The following NFATC2 variants were observed in gnomAD, a reference collection of about 807,000 sequenced individuals.
The protein encoded by NFATC2 is nuclear factor of activated T-cells, cytoplasmic 2.
NFATC2 carries 22 observed loss-of-function variants against 87.3 expected under a neutral mutation model. That is an observed-to-expected ratio of 0.25 (90% CI 0.18 to 0.36). The LOEUF is 0.36. Ranked by LOEUF, NFATC2 falls within the 10% of genes least tolerant of loss-of-function variation. The pLI is 1.00. For missense variants in NFATC2, 1,149 were observed against 1,259.1 expected, an observed-to-expected ratio of 0.91 and a Z score of 1.32; for synonymous variants, 565 against 542.2, an observed-to-expected ratio of 1.04 and a Z score of -0.58.
intron 4 of NFATC2, 150 bp from the exon 5 acceptor site, chr20:51,474,302 G>A: frequency 7.7e-6 from 7 of 911,860 alleles, no homozygotes; most frequent in South Asian, 4.2e-5. Flanking sequence ...CCAAGATGGG[G>A]GTAAAAAATA....
intron 6 of NFATC2, among the ~76,000 whole-genome samples, chr20:51,437,297 G>T (rs1229863276): frequency 6.6e-6 from 1 of 152,192 alleles, no homozygotes; most frequent in Admixed American, 6.5e-5. Flanking sequence ...AAATCTACAT[G>T]CTAATGAGCA....
At chr20:51,435,167 G>A (rs1983373545) in intron 8 of NFATC2, 21 bp downstream of exon 8, 7 of 1,613,518 alleles carry the variant, frequency 4.3e-6, no homozygotes, top group Non-Finnish European at 5.9e-6. Flanking sequence ...TAACAAAGGG[G>A]TCATCAGAAA....
At chr20:51,561,484 A>AAAGAAAGCAAGCAAGCAAGCAAGC (rs2077029945) in intron 1 of NFATC2, among the ~76,000 whole-genome samples, 1 of 89,978 alleles carries the variant, frequency 1.1e-5, no homozygotes, top group Non-Finnish European at 2.2e-5. Flanking sequence ...AGAAAGAAAG[A>AAAGAAAGCAAGCAAGCAAGCAAGC]AAGCAAGCAA....
In NFATC2 at chr20:51,439,254, T is replaced by C. The variant is rs148983043; in HGVS notation, c.1850-3493A>G. On this transcript the variant is annotated intron_variant, in intron 6 of 10. Coordinates refer to ENST00000371564, the MANE Select transcript of NFATC2 (RefSeq NM_012340.5). ...GCCTGGCATCACTCTAAGCACCTCG[T>C]ATACATGGGCTTGTCTCATCTGTAC... Among the ~76,000 whole-genome samples, 331 of 152,290 alleles carry C rather than the reference T, an allele frequency of 2.2e-3. 1 individual carries two copies. Among genetic ancestry groups the C allele is most frequent in the Middle Eastern group, 0.02 (6 of 294 alleles).
chr20:51,481,233 G>T lies in NFATC2; in HGVS notation c.1333-5573C>A, dbSNP rs1989226748. On this transcript the variant is annotated intron_variant, in intron 3 of 10. Transcript: ENST00000371564. ...GCTTCTCCAAAAACTCAGTGATTTG[G>T]GTTTTGCAAATAGAACTTGATGTTT... 2.0e-5 allele frequency among the ~76,000 whole-genome samples: 3 copies of T among 152,288 alleles called. No individual in the cohort carries two copies. The South Asian group carries it at 6.2e-4, about 32-fold the overall frequency.
chr20:51,556,697 G>A (rs1315477928), intron 1 of NFATC2, among the ~76,000 whole-genome samples: 2 of 74,550 alleles, frequency 2.7e-5, no homozygotes, highest in Admixed American at 3.4e-4. Context: ...GGCAAAGAGA[G>A]GGACCAACAG....
Position 51,524,191 on chromosome 20 carries a change from T to C in NFATC2, c.131-81A>G, listed in dbSNP as rs2076505819. The C allele has an allele frequency of 8.1e-7, 1 of 1,242,150 alleles. No homozygotes were observed. Among genetic ancestry groups the C allele is most frequent in the Non-Finnish European group, 1.1e-6 (1 of 950,396 alleles). The allele number at this position is 1,242,150 out of a possible 1,614,324, so 76.9% of individuals were successfully genotyped here. A position where few individuals can be genotyped will look rare whatever the true frequency, so the allele number is the denominator to read the frequency against. ...GTGCAGAGCAATCACAGGCTGGATT[T>C]CGTCTCACGTCGTTTATTTTTTTCA... On this transcript the variant is annotated intron_variant, in intron 1 of 10. Coordinates refer to ENST00000371564, the MANE Select transcript of NFATC2 (RefSeq NM_012340.5). This position sits in a 1 kb window ranked among gnomAD's most constrained non-coding sequence, Gnocchi z 4.0.
chr20:51,522,754 T>A (rs2076468980), intron 2 of NFATC2, among the ~76,000 whole-genome samples: 1 of 151,966 alleles, frequency 6.6e-6, no homozygotes, highest in Admixed American at 6.5e-5. Context: ...CTCCATTACT[T>A]ATGTAACAGA....
upstream of NFATC2, chr20:51,542,748 G>T: frequency 1.5e-6 from 1 of 679,188 alleles, no homozygotes; most frequent in Non-Finnish European, 1.7e-6. Context: ...GCCCGGGGAG[G>T]CGGGGGGGGG....
chr20:51,552,730 G>T (rs1405494503), intron 1 of NFATC2, among the ~76,000 whole-genome samples: 1 of 152,132 alleles, frequency 6.6e-6, no homozygotes, highest in Non-Finnish European at 1.5e-5. Flanking sequence ...GTCTGCAGGA[G>T]CTCCACCAAG....
intron 6 of NFATC2, among the ~76,000 whole-genome samples, chr20:51,442,438 AT>A (rs1984474420): frequency 6.6e-6 from 1 of 151,812 alleles, no homozygotes; most frequent in South Asian, 2.1e-4. Flanking sequence ...CCTCAAAAAA[AT>A]AAAGTAAAAT....
chr20:51,475,828 C>T (rs1331961029), intron 3 of NFATC2, among the ~76,000 whole-genome samples, 168 bp from the exon 4 acceptor site: 2 of 152,110 alleles, frequency 1.3e-5, no homozygotes, highest in Admixed American at 6.6e-5. Context: ...CAGAGGGTAA[C>T]GCTTGGATAA....
At chr20:51,539,640 G>T (rs191569898) in intron 1 of NFATC2, among the ~76,000 whole-genome samples, 2 of 152,134 alleles carry the variant, frequency 1.3e-5, no homozygotes, top group African/African-American at 2.4e-5. Flanking sequence ...ACAGGCATGC[G>T]CAACTAGGCT....
At chr20:51,415,871 C>T (rs953604236) in intron 9 of NFATC2, among the ~76,000 whole-genome samples, 2 of 152,166 alleles carry the variant, frequency 1.3e-5, no homozygotes, top group African/African-American at 2.4e-5. Flanking sequence ...GGAGGAAAAA[C>T]TGACCCTGGT....
chr20:51,543,074 G>A (rs1234429724), upstream of NFATC2, among the ~76,000 whole-genome samples: 3 of 152,172 alleles, frequency 2.0e-5, no homozygotes, highest in East Asian at 1.9e-4. Context: ...GGGTGGAAGG[G>A]GGTATCCACC....
intron 9 of NFATC2, among the ~76,000 whole-genome samples, chr20:51,418,944 G>A (rs920491212): frequency 6.8e-6 from 1 of 146,368 alleles, no homozygotes; most frequent in East Asian, 2.1e-4. Flanking sequence ...GATTATAGGC[G>A]TGAGCCACCC....
chr20:51,503,439 G>A (rs1204062898), intron 3 of NFATC2, among the ~76,000 whole-genome samples: 1 of 152,232 alleles, frequency 6.6e-6, no homozygotes, highest in African/African-American at 2.4e-5. Context: ...CTAGTATGGT[G>A]AGAACAACTC....
At chr20:51,509,747 T>A (rs181756134) in intron 3 of NFATC2, among the ~76,000 whole-genome samples, 2 of 152,358 alleles carry the variant, frequency 1.3e-5, no homozygotes, top group Admixed American at 1.3e-4. Context: ...CTTCTTCCCT[T>A]CCTTAGATAT....
chr20:51,465,120 G>T (rs902207866), intron 5 of NFATC2, among the ~76,000 whole-genome samples: 1 of 152,220 alleles, frequency 6.6e-6, no homozygotes, highest in Non-Finnish European at 1.5e-5. Flanking sequence ...GGGCGTGGTG[G>T]CTCAGGCCTG....
Sources: gnomAD v4.1 joint callset for allele counts (sites outside exome capture counted in the v4.1 genomes callset) on GRCh38, gnomAD v4.1.1 for gene constraint, Gnocchi (gnomAD v3.1) non-coding constraint, MANE v1.5 for transcripts, NCBI Gene and HGNC (gene_info 2026-07-23, HGNC 2026-07-21) for gene names.